The following RIN3 variants were observed in gnomAD, a reference collection of about 807,000 sequenced individuals.
RIN3 encodes RAB5 interacting protein 3.
In RIN3, 54 loss-of-function variants were observed where a neutral mutation model predicts 76.3. The observed-to-expected ratio is 0.71, with a 90% confidence interval of 0.57 to 0.89. RIN3 has a LOEUF of 0.89. Among genes scored for constraint, RIN3 ranks in the 40% least tolerant of loss-of-function variants. RIN3 has a pLI of 0.00. For missense variants in RIN3, 1,256 were observed against 1,322.1 expected, an observed-to-expected ratio of 0.95 and a Z score of 0.78; for synonymous variants, 576 against 564.0, an observed-to-expected ratio of 1.02 and a Z score of -0.30.
At chr14:92,661,334 A>G (rs74074815) in intron 7 of RIN3, among the ~76,000 whole-genome samples, 6,827 of 152,250 alleles carry the variant, frequency 0.045, 533 homozygotes, top group African/African-American at 0.15. Context: ...CCCTCACCCA[A>G]GAAACCTTTC....
At chr14:92,570,340 ACACACT>A (rs906813619) in intron 2 of RIN3, among the ~76,000 whole-genome samples, 7 of 151,982 alleles carry the variant, frequency 4.6e-5, no homozygotes, top group African/African-American at 9.7e-5. Context: ...ACACACACAC[ACACACT>A]CACACACACT....
intron 4 of RIN3, among the ~76,000 whole-genome samples, chr14:92,617,773 A>G (rs1365422839): frequency 2.6e-5 from 4 of 152,244 alleles, no homozygotes; most frequent in South Asian, 2.1e-4. Flanking sequence ...GTATTTCTCC[A>G]TAGGCCACAT....
rs1412916861 is a variant in RIN3, at chr14:92,688,591, C to G, written c.*339C>G. On this transcript the variant is annotated 3_prime_UTR_variant, in exon 10 of 10. Coordinates refer to ENST00000216487, the MANE Select transcript of RIN3 (RefSeq NM_024832.5). ...CTCAGGCCATTCCCCATGAGTCCCC[C>G]ACACCCACCCCATCCTCGGTCTTTG... 1.5e-5 allele frequency: 5 copies of G among 344,530 alleles called. No individual in the cohort carries two copies. The allele number at this position is 344,530 out of a possible 1,614,324, so 21.3% of individuals were successfully genotyped here.
At chr14:92,658,157 A>G (rs1025965630) in intron 6 of RIN3, among the ~76,000 whole-genome samples, 2 of 152,246 alleles carry the variant, frequency 1.3e-5, no homozygotes, top group African/African-American at 4.8e-5. Context: ...AAGCTGGTCC[A>G]TCCTCAGAGT....
At chr14:92,641,432 A>C in intron 5 of RIN3, 103 bp downstream of exon 5, 1 of 813,196 alleles carries the variant, frequency 1.2e-6, no homozygotes, top group Admixed American at 2.1e-5. Flanking sequence ...CCTGAGTCCC[A>C]GCTCCCATGG....
At chr14:92,680,802 C>T (rs1888636740) in intron 8 of RIN3, among the ~76,000 whole-genome samples, 1 of 152,210 alleles carries the variant, frequency 6.6e-6, no homozygotes, top group African/African-American at 2.4e-5. Context: ...CAGCCTGTTC[C>T]ACGTGCTGCA....
chr14:92,514,203 G>A lies in RIN3; in HGVS notation c.44+227G>A, dbSNP rs554969657. ...ATGTTGGCTAAACTTTCAAGGCCAG[G>A]CATTTCACTGGGAACCCAGTGCACA... On this transcript the variant is annotated intron_variant, in intron 1 of 9. Transcript: ENST00000216487. This position sits in a 1 kb window ranked among gnomAD's most constrained non-coding sequence, Gnocchi z 7.2. Among the ~76,000 whole-genome samples the A allele has an allele frequency of 6.8e-4, 103 of 152,194 alleles. No individual in the cohort carries two copies. The highest frequency in any genetic ancestry group is 1.2e-3 in the Non-Finnish European group (80 of 68,024).
At chr14:92,665,639 T>C (rs1017053202) in intron 7 of RIN3, among the ~76,000 whole-genome samples, 18 of 152,012 alleles carry the variant, frequency 1.2e-4, no homozygotes, top group South Asian at 4.1e-4. Context: ...CCTCGGCCTC[T>C]CAAAGTGCTG....
intron 1 of RIN3, 26 bp from the exon 2 acceptor site, chr14:92,555,725 G>A: frequency 1.2e-6 from 2 of 1,612,092 alleles, no homozygotes; most frequent in South Asian, 1.1e-5. Context: ...CTGCAGGATA[G>A]CTGATCATTG....
At chr14:92,687,377 C>G (rs1415734326) in intron 9 of RIN3, 1 of 152,790 alleles carries the variant, frequency 6.5e-6, no homozygotes, top group East Asian at 1.9e-4. Context: ...CCGGGCCTTC[C>G]CCACCCGACT....
intron 2 of RIN3, among the ~76,000 whole-genome samples, chr14:92,558,250 G>A (rs1257689081): frequency 3.9e-5 from 6 of 152,200 alleles, no homozygotes; most frequent in Non-Finnish European, 7.3e-5. Flanking sequence ...TCGGGAGGCT[G>A]AGGTGGGAGA....
At position 92,676,439 on chromosome 14, in the gene RIN3, G is replaced by A. The variant is rs773845818; in HGVS notation, c.2336-36G>A. 8.7e-6 allele frequency: 14 copies of A among 1,608,818 alleles called. No individual in the cohort carries two copies. In the South Asian group the frequency reaches 1.4e-4, roughly 16 times the overall value. On this transcript the variant is annotated intron_variant, in intron 7 of 9. Transcript: ENST00000216487. ...AGAGAGCATCTCACAAGGAGAGCCT[G>A]GAACTCATCTCCCTCTGCCTCCTTC...
chr14:92,635,143 G>A (rs1422162920), intron 4 of RIN3, among the ~76,000 whole-genome samples: 1 of 152,208 alleles, frequency 6.6e-6, no homozygotes, highest in Non-Finnish European at 1.5e-5. Context: ...CTCGGCATTT[G>A]GAGATGAATA....
intron 6 of RIN3, among the ~76,000 whole-genome samples, chr14:92,658,765 C>T (rs1211263398): frequency 6.6e-6 from 1 of 152,166 alleles, no homozygotes; most frequent in Non-Finnish European, 1.5e-5. Context: ...AAGAATAATT[C>T]CACCAGTCAT....
At chr14:92,554,864 A>G (rs1897534661) in intron 1 of RIN3, among the ~76,000 whole-genome samples, 1 of 152,270 alleles carries the variant, frequency 6.6e-6, no homozygotes, top group Non-Finnish European at 1.5e-5. Flanking sequence ...CGGAGGCTGC[A>G]GTAAGCTGAG....
At position 92,652,193 on chromosome 14, in the gene RIN3, C is replaced by T; in HGVS notation, c.1144C>T (p.Leu382Phe). The change falls in exon 6 of 10, where the codon CTT (leucine) becomes TTT (phenylalanine). Residue 382 changes from leucine (L) to phenylalanine (F), a missense_variant. Physicochemically the swap from Leu to Phe is conservative, Grantham distance 22. This residue lies in a region of RIN3 where 610 missense variants were observed against 626.4 expected (regional missense o/e 0.97). Coordinates refer to ENST00000216487, the MANE Select transcript of RIN3 (RefSeq NM_024832.5). The surrounding 1 kb of genome is among the most constrained non-coding windows in gnomAD (Gnocchi z 6.4). ...PAPPLPAKKN[L>F]PTAPPRRRVS... ...CCCGCCACTGCCTGCGAAGAAGAAC[C>T]TTCCCACTGCCCCTCCCAGACGCCG... 1 of 1,605,322 alleles carries T rather than the reference C, an allele frequency of 6.2e-7. No homozygotes were observed. The highest frequency in any genetic ancestry group is 1.1e-5 in the South Asian group (1 of 90,646).
At chr14:92,615,776 G>A in intron 4 of RIN3, 1 of 355,608 alleles carries the variant, frequency 2.8e-6, no homozygotes, top group Non-Finnish European at 5.2e-6. Flanking sequence ...CGTGGACCAG[G>A]CCTCCCATTG....
chr14:92,638,291 C>A lies in RIN3; in HGVS notation c.441-2947C>A, dbSNP rs114991686. On this transcript the variant is annotated intron_variant, in intron 4 of 9. Transcript: ENST00000216487. ...GAGGTGGGAAATGAGTGGGGCACAC[C>A]CACTAGAGGAAGATAAGCGTGATCA... is the stretch of plus-strand genomic sequence containing the variant. Among the ~76,000 whole-genome samples, 1,460 of 152,250 alleles carry A rather than the reference C, an allele frequency of 9.6e-3. 31 individuals carry two copies. Among genetic ancestry groups the A allele is most frequent in the African/African-American group, 0.034 (1,417 of 41,530 alleles).
chr14:92,642,726 AC>A (rs1396399484), intron 5 of RIN3, among the ~76,000 whole-genome samples: 8 of 152,152 alleles, frequency 5.3e-5, no homozygotes, highest in African/African-American at 1.7e-4. Context: ...GCCACTGTTC[AC>A]CACTCAGAGG....
Sources: gnomAD v4.1 joint callset for allele counts (sites outside exome capture counted in the v4.1 genomes callset) on GRCh38, gnomAD v4.1.1 for gene constraint, gnomAD v4.1.1 regional missense constraint, Gnocchi (gnomAD v3.1) non-coding constraint, MANE v1.5 for transcripts, NCBI Gene and HGNC (gene_info 2026-07-23, HGNC 2026-07-21) for gene names.